The following MAP2 variants were observed in gnomAD, a reference collection of about 807,000 sequenced individuals.
MAP2 encodes microtubule associated protein 2.
A neutral mutation model predicts 137.6 loss-of-function variants in MAP2; 14 were observed. The observed-to-expected ratio is 0.10, with a 90% CI of 0.07 to 0.16. The LOEUF is 0.16. MAP2 is among the 10% of genes least tolerant of loss of function. The pLI, the probability that MAP2 is intolerant of heterozygous loss-of-function variation, is 1.00. For synonymous variants in MAP2, 786 were observed against 782.3 expected (o/e 1.00, Z -0.08); for missense variants, 2,088 against 2,191.5 (o/e 0.95, Z 0.94).
chr2:209,708,065 C>T (rs908513874), intron 12 of MAP2, among the ~76,000 whole-genome samples: 13 of 152,100 alleles, frequency 8.5e-5, no homozygotes, highest in African/African-American at 2.9e-4. Flanking sequence ...CAGGGATGAT[C>T]CCTCTCCCCA....
intron 1 of MAP2, among the ~76,000 whole-genome samples, chr2:209,470,749 G>A (rs2149707717): frequency 6.6e-6 from 1 of 152,180 alleles, no homozygotes. Flanking sequence ...TAACTCCCAA[G>A]TCCAGCTTCT....
chr2:209,653,491 C>A, intron 5 of MAP2, 59 bp downstream of exon 5: 8 of 1,513,704 alleles, frequency 5.3e-6, no homozygotes, highest in Non-Finnish European at 7.1e-6. Flanking sequence ...TCAGTTTAGT[C>A]TGAAAGTGAA....
In MAP2 at chr2:209,725,785, G is replaced by A. The variant is rs1418968835; in HGVS notation, c.5150G>A (p.Arg1717Lys). The change falls in exon 14 of 16, where the codon AGG (arginine) becomes AAG (lysine). Residue 1717 changes from arginine to lysine, a missense_variant. Coordinates refer to ENST00000682079, the MANE Select transcript of MAP2 (RefSeq NM_001375505.1). ...KCGSLKNIRH[R>K]PGGGRVKIES... ...GGCTCTCTGAAGAACATCCGCCACAGGCCAGGTAAATAAATAATTTTTAGT... is the reference window on the plus strand; with the variant it reads ...GGCTCTCTGAAGAACATCCGCCACAAGCCAGGTAAATAAATAATTTTTAGT... 1.3e-6 allele frequency: 2 copies of A among 1,582,912 alleles called. No homozygotes were observed. Among genetic ancestry groups the A allele is most frequent in the Admixed American group, 1.8e-5 (1 of 54,406 alleles).
chr2:209,713,177 A>G (rs962404320), intron 13 of MAP2, among the ~76,000 whole-genome samples: 12 of 152,178 alleles, frequency 7.9e-5, no homozygotes, highest in Admixed American at 3.9e-4. Flanking sequence ...TAATTGTGAA[A>G]ACTTCATTAT....
intron 4 of MAP2, among the ~76,000 whole-genome samples, chr2:209,627,128 C>T (rs1005520690): frequency 3.3e-5 from 5 of 151,820 alleles, no homozygotes; most frequent in African/African-American, 1.2e-4. Context: ...TTACTATTCC[C>T]AAATATAGTA....
At chr2:209,583,172 T>TCTATCTATCTATCTAC (rs2076912901) in intron 3 of MAP2, among the ~76,000 whole-genome samples, 2 of 151,712 alleles carry the variant, frequency 1.3e-5, no homozygotes, top group East Asian at 1.9e-4. Flanking sequence ...TATCTATCTA[T>TCTATCTATCTATCTAC]CTATCTATCT....
intron 1 of MAP2, among the ~76,000 whole-genome samples, chr2:209,458,938 G>A (rs140698945): frequency 5.3e-5 from 8 of 152,092 alleles, no homozygotes; most frequent in African/African-American, 1.4e-4. Flanking sequence ...TGGGGAGATC[G>A]CATGATTTAT....
At chr2:209,476,394 T>C (rs1388870707) in intron 1 of MAP2, among the ~76,000 whole-genome samples, 1 of 105,568 alleles carries the variant, frequency 9.5e-6, no homozygotes. Context: ...TTTGTTTTTC[T>C]TAGTTTTTTT....
Position 209,694,490 on chromosome 2 carries a change from G to C in MAP2, c.2320G>C (p.Ala774Pro), listed in dbSNP as rs753718248. 2 of 1,614,068 alleles carry C rather than the reference G, an allele frequency of 1.2e-6. No individual in the cohort carries two copies. The highest frequency in any genetic ancestry group is 4.5e-5 in the East Asian group (2 of 44,872). Reference protein sequence around the residue: ...KEEEQIEKVKATGEESTQAEI... With the variant: ...KEEEQIEKVKPTGEESTQAEI... The stretch of plus-strand genomic sequence containing the variant: ...GGAAGAACAGATAGAGAAAGTAAAA[G>C]CTACTGGAGAAGAAAGTACTCAAGC... Residue 774 changes from alanine (A) to proline (P), a missense_variant, in exon 8 of 16, where the codon GCT becomes CCT. Coordinates refer to ENST00000682079, the MANE Select transcript of MAP2 (RefSeq NM_001375505.1).
intron 2 of MAP2, among the ~76,000 whole-genome samples, chr2:209,533,478 G>A (rs1013809647): frequency 2.6e-5 from 4 of 152,156 alleles, no homozygotes; most frequent in African/African-American, 9.7e-5. Context: ...TCTGTTTTCA[G>A]TACAAACATT....
At chr2:209,558,557 A>G (rs2071225075) in intron 2 of MAP2, among the ~76,000 whole-genome samples, 1 of 151,642 alleles carries the variant, frequency 6.6e-6, no homozygotes, top group Admixed American at 6.6e-5. Context: ...TTGTATCTTT[A>G]AAGACCCAGA....
chr2:209,532,747 T>A (rs770132453), intron 2 of MAP2, among the ~76,000 whole-genome samples: 1 of 152,242 alleles, frequency 6.6e-6, no homozygotes, highest in Non-Finnish European at 1.5e-5. Flanking sequence ...CCTGTTCCTC[T>A]GCACAGAAAT....
chr2:209,458,411 G>A (rs760740839), intron 1 of MAP2, among the ~76,000 whole-genome samples: 5 of 152,098 alleles, frequency 3.3e-5, no homozygotes, highest in African/African-American at 4.8e-5. Context: ...CTAGGGTTAG[G>A]GACATGGAGG....
rs142384114 is a variant in MAP2 at position 209,625,770 on chromosome 2, G to A, written c.-30+641G>A. Among the ~76,000 whole-genome samples, 151 of 152,238 alleles carry A rather than the reference G, an allele frequency of 9.9e-4. 1 individual carries two copies. Among genetic ancestry groups the A allele is most frequent in the African/African-American group, 3.4e-3 (143 of 41,550 alleles). On this transcript the variant is annotated intron_variant, in intron 4 of 15. Transcript: ENST00000682079. ...AAATAACAGTGCATTTACTGAACGC[G>A]CTATAAATGCATAGCAGATAAACTT...
chr2:209,606,618 C>G (rs568852062), intron 3 of MAP2, among the ~76,000 whole-genome samples: 1 of 152,248 alleles, frequency 6.6e-6, no homozygotes, highest in South Asian at 2.1e-4. Flanking sequence ...TAACATCTCT[C>G]TATTAAATTG....
At chr2:209,494,984 G>A (rs959327699) in intron 1 of MAP2, among the ~76,000 whole-genome samples, 1 of 152,138 alleles carries the variant, frequency 6.6e-6, no homozygotes, top group Non-Finnish European at 1.5e-5. Flanking sequence ...ATATATGCTG[G>A]CCATATATGT....
chr2:209,642,550 A>G (rs2094120190), intron 4 of MAP2, among the ~76,000 whole-genome samples: 1 of 152,178 alleles, frequency 6.6e-6, no homozygotes, highest in East Asian at 1.9e-4. Context: ...TATTTCTAGC[A>G]ATAACCTAAT....
intron 11 of MAP2, chr2:209,704,723 T>A: frequency 8.9e-7 from 1 of 1,119,014 alleles, no homozygotes; most frequent in Non-Finnish European, 1.2e-6. Context: ...AATACTTTAC[T>A]CTGAAGTGTT....
intron 6 of MAP2, among the ~76,000 whole-genome samples, chr2:209,680,450 A>T (rs566390669): frequency 7.9e-5 from 12 of 152,272 alleles, no homozygotes; most frequent in African/African-American, 2.6e-4. Context: ...TTATTAATTG[A>T]ACAGGTAGAC....
Sources: allele counts gnomAD v4.1 joint callset (sites outside exome capture counted in the v4.1 genomes callset), GRCh38; gene constraint gnomAD v4.1.1; transcripts MANE v1.5; gene names NCBI Gene and HGNC (gene_info 2026-07-23, HGNC 2026-07-21).